The following AASS variants were observed in gnomAD, a reference collection of about 807,000 sequenced individuals.
AASS encodes alpha-aminoadipic semialdehyde synthase, mitochondrial.
A neutral mutation model predicts 105.4 loss-of-function variants in AASS; 86 were observed. The ratio of observed to expected loss-of-function variants is 0.82; its 90% CI spans 0.69 to 0.98. The LOEUF (loss-of-function observed/expected upper bound fraction) is 0.98, where lower values mean the gene tolerates loss of function less well. Among genes scored for constraint, AASS ranks in the 50% least tolerant of loss-of-function variants. The probability of loss-of-function intolerance (pLI) is 0.00; values close to 1 mark genes in which losing one functional copy is unlikely to be tolerated. For synonymous variants in AASS, 381 were observed against 394.8 expected, an observed-to-expected ratio of 0.96 and a Z score of 0.41; for missense variants, 1,048 against 1,143.2, an observed-to-expected ratio of 0.92 and a Z score of 1.20.
chr7:122,139,308 G>A (rs200282345), intron 1 of AASS, among the ~76,000 whole-genome samples: 2 of 152,150 alleles, frequency 1.3e-5, no homozygotes, highest in East Asian at 3.9e-4. Context: ...AAGATATAAA[G>A]AAGCAGTAAT....
intron 4 of AASS, among the ~76,000 whole-genome samples, chr7:122,121,041 T>A (rs908809564): frequency 6.6e-6 from 1 of 152,120 alleles, no homozygotes; most frequent in African/African-American, 2.4e-5. Context: ...ATGTTGCTGT[T>A]TGTGTTCTTA....
At chr7:122,117,013 G>T in intron 6 of AASS, 56 bp from the exon 7 acceptor site, 1 of 1,472,504 alleles carries the variant, frequency 6.8e-7, no homozygotes, top group Admixed American at 1.7e-5. Context: ...AACCAACATG[G>T]TTTTCTGCAA....
chr7:122,078,806 T>A lies in AASS; in HGVS notation c.2485+56A>T. On this transcript the variant is annotated intron_variant, in intron 22 of 23. Coordinates refer to ENST00000417368, the MANE Select transcript of AASS (RefSeq NM_005763.4). The stretch of plus-strand genomic sequence containing the variant: ...AACCCTCCAATACGATTATCTGCAC[T>A]GACTCTATCTTATGATTCTTCTTTA... 6 of 1,517,762 alleles carry A rather than the reference T, an allele frequency of 4.0e-6. No homozygotes were observed. In the South Asian group the frequency reaches 6.7e-5, roughly 17 times the overall value. 94.0% of individuals were successfully genotyped at this position (1,517,762 alleles called of 1,614,324 possible). A position where few individuals can be genotyped will look rare whatever the true frequency, so the allele number is the denominator to read the frequency against.
rs1792921466 is a variant in AASS at position 122,074,728 on chromosome 7, A to C, written c.*1761T>G. ...GTTTCCAAGCATCATTTAATGAAAA[A>C]GACTATTTTGCCCCCATTGAATTGT... On this transcript the variant is annotated 3_prime_UTR_variant, in exon 24 of 24. Coordinates refer to ENST00000417368, the MANE Select transcript of AASS (RefSeq NM_005763.4). Among the ~76,000 whole-genome samples, 1 of 152,228 alleles carries C rather than the reference A, an allele frequency of 6.6e-6. No individual in the cohort carries two copies. The highest frequency in any genetic ancestry group is 6.5e-5 in the Admixed American group (1 of 15,280).
At chr7:122,088,533 G>A (rs1584820636) in intron 18 of AASS, among the ~76,000 whole-genome samples, 1 of 152,136 alleles carries the variant, frequency 6.6e-6, no homozygotes, top group East Asian at 1.9e-4. Context: ...TTCTGGATCA[G>A]TATTTTGAAA....
intron 21 of AASS, 163 bp downstream of exon 21, chr7:122,079,434 T>A: frequency 9.0e-7 from 1 of 1,113,026 alleles, no homozygotes; most frequent in East Asian, 2.6e-5. Context: ...TCTCTTTATC[T>A]ACTCTTTATG....
chr7:122,078,980 T>C, intron 21 of AASS, 30 bp from the exon 22 acceptor site: 1 of 1,613,834 alleles, frequency 6.2e-7, no homozygotes, highest in Non-Finnish European at 8.5e-7. Context: ...GCTGCATTAG[T>C]TCAAGTCCTA....
intron 6 of AASS, among the ~76,000 whole-genome samples, chr7:122,117,466 T>C (rs937133750): frequency 1.3e-4 from 20 of 152,244 alleles, no homozygotes; most frequent in Admixed American, 3.9e-4. Context: ...AATTCCAGTC[T>C]TAAATGAATC....
Position 122,096,634 on chromosome 7 carries a change from G to GA in AASS, c.1655+1815dup, listed in dbSNP as rs200311556. 4.4e-3 allele frequency among the ~76,000 whole-genome samples: 649 copies of GA among 147,268 alleles called. 7 individuals carry two copies. Among genetic ancestry groups the GA allele is most frequent in the African/African-American group, 0.015 (602 of 40,216 alleles). On this transcript the variant is annotated intron_variant, in intron 15 of 23. Coordinates refer to ENST00000417368, the MANE Select transcript of AASS (RefSeq NM_005763.4). ...CAAAATGAGACTGTCTCAAAAAAAAGAAAAAAAAAATTTAAGGAATGTTAT... is the reference window on the plus strand; with the variant it reads ...CAAAATGAGACTGTCTCAAAAAAAAGAAAAAAAAAAATTTAAGGAATGTTAT...
intron 1 of AASS, among the ~76,000 whole-genome samples, chr7:122,143,329 T>TTC (rs1199845105): frequency 2.0e-4 from 31 of 151,632 alleles, no homozygotes; most frequent in Admixed American, 1.8e-3. Context: ...CGAGCGCTCT[T>TTC]TCTCTCTCTC....
At chr7:122,105,428 T>G (rs1379051834) in intron 11 of AASS, among the ~76,000 whole-genome samples, 1 of 152,108 alleles carries the variant, frequency 6.6e-6, no homozygotes, top group Non-Finnish European at 1.5e-5. Flanking sequence ...AGTGTACGCA[T>G]TCTTCTCTAG....
intron 17 of AASS, among the ~76,000 whole-genome samples, 171 bp downstream of exon 17, chr7:122,092,672 C>A (rs113657262): frequency 6.6e-6 from 1 of 151,376 alleles, no homozygotes; most frequent in African/African-American, 2.4e-5. Flanking sequence ...TGCAGTGAGC[C>A]GAGATTGTGC....
intron 11 of AASS, among the ~76,000 whole-genome samples, chr7:122,103,807 T>TAC (rs144536557): frequency 2.6e-5 from 4 of 151,170 alleles, no homozygotes; most frequent in Admixed American, 6.6e-5. Context: ...ATATATACTA[T>TAC]ACACACACAC....
At chr7:122,105,480 A>T (rs1381157147) in intron 11 of AASS, among the ~76,000 whole-genome samples, 1 of 152,118 alleles carries the variant, frequency 6.6e-6, no homozygotes, top group Non-Finnish European at 1.5e-5. Flanking sequence ...ATGGTAGGCC[A>T]CAAAATATGT....
chr7:122,128,740 T>C (rs1165113158), intron 3 of AASS, among the ~76,000 whole-genome samples: 1 of 152,178 alleles, frequency 6.6e-6, no homozygotes, highest in Non-Finnish European at 1.5e-5. Context: ...TTCATAGTAT[T>C]TCTATCTCAA....
At chr7:122,136,800 CT>C (rs1362232094) in intron 1 of AASS, among the ~76,000 whole-genome samples, 1 of 152,170 alleles carries the variant, frequency 6.6e-6, no homozygotes, top group Non-Finnish European at 1.5e-5. Flanking sequence ...AATTTAATCC[CT>C]CCCCTCTAGC....
chr7:122,108,802 T>C (rs886568569), intron 11 of AASS, among the ~76,000 whole-genome samples: 8 of 151,318 alleles, frequency 5.3e-5, no homozygotes. Context: ...CTGGATGTTC[T>C]AGTCAGTGTA....
In AASS at chr7:122,101,607, TGC is replaced by T; in HGVS notation, c.1338+12_1338+13del. On this transcript the variant is annotated intron_variant, in intron 12 of 23. Coordinates refer to ENST00000417368, the MANE Select transcript of AASS (RefSeq NM_005763.4). ...AAAATACATTTATGAAAAAATATTC[TGC>T]TCATAACTTACATCTCTCACCACAG... 1 of 1,604,498 alleles carries T rather than the reference TGC, an allele frequency of 6.2e-7. No homozygotes were observed. The highest frequency in any genetic ancestry group is 8.5e-7 in the Non-Finnish European group (1 of 1,172,068).
intron 18 of AASS, among the ~76,000 whole-genome samples, chr7:122,091,066 C>T (rs148868547): frequency 6.6e-6 from 1 of 152,164 alleles, no homozygotes; most frequent in East Asian, 1.9e-4. Flanking sequence ...TCTTTCCAGC[C>T]ATTAGGCAAT....
Sources: gnomAD v4.1 joint callset for allele counts (sites outside exome capture counted in the v4.1 genomes callset) on GRCh38, gnomAD v4.1.1 for gene constraint, MANE v1.5 for transcripts, NCBI Gene and HGNC (gene_info 2026-07-23, HGNC 2026-07-21) for gene names.